Variants in C17orf58 observed in about 807,000 individuals in gnomAD.
The protein encoded by C17orf58 is UPF0450 protein C17orf58.
Under a neutral mutation model 7.4 loss-of-function variants are expected in C17orf58, and 5 were observed. That is an observed-to-expected ratio of 0.67 (90% CI 0.35 to 1.42). C17orf58 has a LOEUF of 1.42. Ranked by LOEUF, C17orf58 falls within the 40% of genes most tolerant of loss-of-function variation. C17orf58 has a pLI of 0.04. For synonymous variants in C17orf58, 60 were observed against 70.6 expected, an observed-to-expected ratio of 0.85 and a Z score of 0.75; for missense variants, 162 against 174.2, an observed-to-expected ratio of 0.93 and a Z score of 0.40.
intron 1 of C17orf58, among the ~76,000 whole-genome samples, chr17:67,994,512 G>GTATA (rs1555699607): frequency 8.2e-5 from 7 of 85,568 alleles, no homozygotes; most frequent in East Asian, 2.4e-4. Context: ...GTGTGTGTGT[G>GTATA]TGTGTATATA....
At position 67,994,516 on chromosome 17, in the gene C17orf58, G is replaced by GTATATATA. The variant is rs1555699618; in HGVS notation, c.77-540_77-533dup. Among the ~76,000 whole-genome samples, 188 of 89,534 alleles carry GTATATATA rather than the reference G, an allele frequency of 2.1e-3. 1 individual carries two copies. Among genetic ancestry groups the GTATATATA allele is most frequent in the African/African-American group, 6.6e-3 (176 of 26,720 alleles). The allele number at this position is 89,534 out of a possible 152,430, so 58.7% of individuals were successfully genotyped here. On this transcript the variant is annotated intron_variant, in intron 1 of 3. Transcript: ENST00000580729. ...TGCGTGTGTGTGTGTGTGTGTGTGT[G>GTATATATA]TATATATATATATATATATAAAACA...
At position 67,996,344 on chromosome 17, in the gene C17orf58, C is replaced by T. The variant is rs2070891341; in HGVS notation, c.-146G>A. On this transcript the variant is annotated 5_prime_UTR_variant, in exon 1 of 4. Coordinates refer to ENST00000580729, the MANE Select transcript of C17orf58 (RefSeq NM_001382359.1). ...AAACGGGAATCACTCGCTGAGCAGA[C>T]CATTGGAACAAAACCGAGCCGCAGG... The T allele has an allele frequency of 2.5e-6, 1 of 393,448 alleles. No homozygotes were observed. The allele number at this position is 393,448 out of a possible 1,614,324, so 24.4% of individuals were successfully genotyped here. A position where few individuals can be genotyped will look rare whatever the true frequency, so the allele number is the denominator to read the frequency against.
In C17orf58 at chr17:67,991,822, G is replaced by C. The variant is rs540416477; in HGVS notation, c.*91C>G. On this transcript the variant is annotated 3_prime_UTR_variant, in exon 4 of 4. Coordinates refer to ENST00000580729, the MANE Select transcript of C17orf58 (RefSeq NM_001382359.1). ...ACAGAGTAGCTGAGGGCTCTCTTCT[G>C]AAGGAGGACCCATTACATGAAGGTA... The C allele has an allele frequency of 2.1e-4, 226 of 1,085,974 alleles. 4 individuals are homozygous for C. The South Asian group carries it at 3.8e-3, about 18-fold the overall frequency. 67.3% of individuals were successfully genotyped at this position (1,085,974 alleles called of 1,614,324 possible).
rs369170252 is a variant in C17orf58 at position 67,992,070 on chromosome 17, T to C, written c.863A>G (p.His288Arg). The C allele has an allele frequency of 1.4e-5, 23 of 1,603,736 alleles. No individual in the cohort carries two copies. The highest frequency in any genetic ancestry group is 2.7e-5 in the African/African-American group (2 of 74,706). ...AGCTGTAGGGAGCTGCCGTCTCTTA[T>C]GGTAGATGTGGCCCATCACAATATA... is the stretch of plus-strand genomic sequence containing the variant. ...SRYIVMGHIYHKRRQLPTALL... is the reference protein window; with the variant it reads ...SRYIVMGHIYRKRRQLPTALL... Residue 288 changes from histidine to arginine, a missense_variant, in exon 4 of 4, where the codon CAT (histidine) becomes CGT (arginine). His to Arg is a conservative substitution (Grantham distance 29). Around this residue, in one of 3 missense-constraint regions of C17orf58, gnomAD observed 65 missense variants for 66.4 expected, o/e 0.98. Coordinates refer to ENST00000580729, the MANE Select transcript of C17orf58 (RefSeq NM_001382359.1).
In C17orf58 at chr17:67,991,579, T is replaced by C. The variant is rs2148735838; in HGVS notation, c.*334A>G. 6.1e-6 allele frequency: 1 copy of C among 164,526 alleles called. No homozygotes were observed. The highest frequency in any genetic ancestry group is 2.0e-4 in the South Asian group (1 of 4,962). 10.2% of individuals were successfully genotyped at this position (164,526 alleles called of 1,614,324 possible). A position where few individuals can be genotyped will look rare whatever the true frequency, so the allele number is the denominator to read the frequency against. ...AATTCAAGAAAATGTTTTTGTGGAC[T>C]ATTTCTACTAAAGAATATTAAATTA... On this transcript the variant is annotated 3_prime_UTR_variant, in exon 4 of 4. Coordinates refer to ENST00000580729, the MANE Select transcript of C17orf58 (RefSeq NM_001382359.1).
intron 3 of C17orf58, among the ~76,000 whole-genome samples, chr17:67,992,597 A>ACAATCT (rs2070845430): frequency 6.8e-6 from 1 of 146,806 alleles, no homozygotes; most frequent in Non-Finnish European, 1.5e-5. Context: ...AAAAAAAAGC[A>ACAATCT]GTATGTAACC....
chr17:67,993,102 G>A lies in C17orf58; in HGVS notation c.771C>T (p.Val257=). ...YLTPDGFFFR[V]HMLALDSSSC... ...TGGAGGAGTCCAGGGCTAACATGTGGACTCGGAAGAAGAAGCCGTCGGGGG... is the reference window on the plus strand; with the variant it reads ...TGGAGGAGTCCAGGGCTAACATGTGAACTCGGAAGAAGAAGCCGTCGGGGG... The change falls in exon 3 of 4, where the codon GTC becomes GTT. Residue 257 remains valine (V), a synonymous_variant. Transcript: ENST00000580729. The surrounding 1 kb of genome is among the most constrained non-coding windows in gnomAD (Gnocchi z 5.1). 2.5e-6 allele frequency: 4 copies of A among 1,614,140 alleles called. No homozygotes were observed. The highest frequency in any genetic ancestry group is 3.4e-6 in the Non-Finnish European group (4 of 1,179,994).
rs1555699475 is a variant in C17orf58, at chr17:67,993,458, C to G, written c.603G>C (p.Leu201=). 2.1e-6 allele frequency: 1 copy of G among 478,322 alleles called. No homozygotes were observed. Among genetic ancestry groups the G allele is most frequent in the Non-Finnish European group, 3.6e-6 (1 of 274,720 alleles). The allele number at this position is 478,322 out of a possible 1,614,324, so 29.6% of individuals were successfully genotyped here. ...TCTCGCAGAACGCCTCGCGTTCGTC[C>G]AGATCGGACCGGCAGGCGCGCGCGC... ...EPCARACRSD[L]DEREAFCESE... is the part of the protein sequence containing the mutation. The change falls in exon 2 of 4, where the codon CTG becomes CTC. Residue 201 remains leucine (L), a synonymous_variant. Coordinates refer to ENST00000580729, the MANE Select transcript of C17orf58 (RefSeq NM_001382359.1). The surrounding 1 kb of genome is among the most constrained non-coding windows in gnomAD (Gnocchi z 5.1).
chr17:67,995,801 G>C (rs1358369941), intron 1 of C17orf58, among the ~76,000 whole-genome samples: 2 of 152,202 alleles, frequency 1.3e-5, no homozygotes, highest in African/African-American at 2.4e-5. Context: ...CACGGCTCCC[G>C]AAAGGCGCGC....
intron 1 of C17orf58, among the ~76,000 whole-genome samples, chr17:67,994,845 G>T (rs568356211): frequency 6.6e-6 from 1 of 151,816 alleles, no homozygotes; most frequent in Non-Finnish European, 1.5e-5. Context: ...AGCACACGTC[G>T]CTTACATTTT....
At chr17:67,994,493 CGT>C (rs71142121) in intron 1 of C17orf58, among the ~76,000 whole-genome samples, 979 of 94,336 alleles carry the variant, frequency 0.01, 29 homozygotes, top group Non-Finnish European at 0.014. Flanking sequence ...TGTGCGTGTG[CGT>C]GTGTGTGTGT....
At chr17:67,992,815 A>G in intron 3 of C17orf58, 1 of 1,466,868 alleles carries the variant, frequency 6.8e-7, no homozygotes, top group Non-Finnish European at 9.2e-7. Context: ...ATTTATTGAC[A>G]GCCCGCTTTG....
rs376022307 is a variant in C17orf58, at chr17:67,993,029, G to A, written c.829+15C>T. The stretch of plus-strand genomic sequence containing the variant: ...TAAAGTACATATGCAGCGTCATTCA[G>A]GTCAGTTTCAATACCAGGTTTAAAC... On this transcript the variant is annotated intron_variant, in intron 3 of 3. Transcript: ENST00000580729. This position sits in a 1 kb window ranked among gnomAD's most constrained non-coding sequence, Gnocchi z 5.1. 120 of 1,614,060 alleles carry A rather than the reference G, an allele frequency of 7.4e-5. No individual in the cohort carries two copies. The highest frequency in any genetic ancestry group is 9.9e-5 in the Non-Finnish European group (117 of 1,180,028).
At position 67,991,837 on chromosome 17, in the gene C17orf58, A is replaced by G; in HGVS notation, c.*76T>C. ...GCTCTCTTCTGAAGGAGGACCCATTACATGAAGGTAGACCTTTCATGTCTT... is the reference window on the plus strand; with the variant it reads ...GCTCTCTTCTGAAGGAGGACCCATTGCATGAAGGTAGACCTTTCATGTCTT... On this transcript the variant is annotated 3_prime_UTR_variant, in exon 4 of 4. Coordinates refer to ENST00000580729, the MANE Select transcript of C17orf58 (RefSeq NM_001382359.1). 8.0e-7 allele frequency: 1 copy of G among 1,253,048 alleles called. No homozygotes were observed. The highest frequency in any genetic ancestry group is 1.5e-5 in the African/African-American group (1 of 67,444). 77.6% of individuals were successfully genotyped at this position (1,253,048 alleles called of 1,614,324 possible). A position where few individuals can be genotyped will look rare whatever the true frequency, so the allele number is the denominator to read the frequency against.
intron 1 of C17orf58, among the ~76,000 whole-genome samples, chr17:67,994,533 TATA>T (rs2070875856): frequency 1.5e-5 from 2 of 130,078 alleles, no homozygotes; most frequent in Non-Finnish European, 3.4e-5. Context: ...TATATATATA[TATA>T]AAACATATAT....
At position 67,992,015 on chromosome 17, in the gene C17orf58, A is replaced by G. The variant is rs782499530; in HGVS notation, c.918T>C (p.Arg306=). Residue 306 remains arginine, a synonymous_variant, in exon 4 of 4, where the codon CGT becomes CGC. Coordinates refer to ENST00000580729, the MANE Select transcript of C17orf58 (RefSeq NM_001382359.1). The part of the protein sequence containing the change: ...ALLQVLRGRL[R]PGDGLLRSSS... ...TGCTCCTTAGCAGTCCATCCCCTGG[A>G]CGGAGGCGGCCTCTCAGGACCTGGA... The G allele has an allele frequency of 6.2e-7, 1 of 1,613,010 alleles. No homozygotes were observed. Among genetic ancestry groups the G allele is most frequent in the South Asian group, 1.1e-5 (1 of 90,708 alleles).
chr17:67,994,095 G>C, intron 1 of C17orf58, 111 bp from the exon 2 acceptor site: 2 of 352,018 alleles, frequency 5.7e-6, no homozygotes, highest in Non-Finnish European at 5.1e-6. Context: ...GGAAGGGGAG[G>C]CTGAGACGGG....
chr17:67,991,840 T>C lies in C17orf58; in HGVS notation c.*73A>G, dbSNP rs553134165. 33 of 1,315,224 alleles carry C rather than the reference T, an allele frequency of 2.5e-5. No homozygotes were observed. In the South Asian group the frequency reaches 4.9e-4, roughly 19 times the overall value. The allele number at this position is 1,315,224 out of a possible 1,614,324, so 81.5% of individuals were successfully genotyped here. On this transcript the variant is annotated 3_prime_UTR_variant, in exon 4 of 4. Coordinates refer to ENST00000580729, the MANE Select transcript of C17orf58 (RefSeq NM_001382359.1). ...CTCTTCTGAAGGAGGACCCATTACA[T>C]GAAGGTAGACCTTTCATGTCTTGTT... is the stretch of plus-strand genomic sequence containing the variant.
chr17:67,993,838 GGTC>G lies in C17orf58; in HGVS notation c.220_222del (p.Asp74del). The G allele has an allele frequency of 3.1e-6, 1 of 321,508 alleles. No individual in the cohort carries two copies. Among genetic ancestry groups the G allele is most frequent in the Non-Finnish European group, 5.6e-6 (1 of 179,834 alleles). The allele number at this position is 321,508 out of a possible 1,614,324, so 19.9% of individuals were successfully genotyped here. ...GGCGGTGGGGGCTTCCGGCGGCGCG[GGTC>G]AGGCCAGGCGCGGGCGGCGGGAGCG... On this transcript the variant is annotated inframe_deletion, in exon 2 of 4. Transcript: ENST00000580729. The surrounding 1 kb of genome is among the most constrained non-coding windows in gnomAD (Gnocchi z 5.1).
Sources: allele counts gnomAD v4.1 joint callset (sites outside exome capture counted in the v4.1 genomes callset), GRCh38; gene constraint gnomAD v4.1.1; regional missense constraint gnomAD v4.1.1; non-coding constraint Gnocchi (gnomAD v3.1); transcripts MANE v1.5; gene names NCBI Gene and HGNC (gene_info 2026-07-23, HGNC 2026-07-21).